Variants in DNAH11 observed in about 807,000 individuals in gnomAD.
DNAH11 encodes axonemal beta dynein heavy chain 11.
In DNAH11, 442 loss-of-function variants were observed where a neutral mutation model predicts 526.0. The ratio of observed to expected loss-of-function variants is 0.84; its 90% CI spans 0.78 to 0.91. The LOEUF (loss-of-function observed/expected upper bound fraction) is 0.91. Ranked by LOEUF, DNAH11 falls within the 40% of genes least tolerant of loss-of-function variation. DNAH11 has a pLI of 0.00. For synonymous variants in DNAH11, 2,461 were observed against 1,935.9 expected (o/e 1.27, Z -7.12); for missense variants, 6,989 against 5,448.7 (o/e 1.28, Z -8.90).
At chr7:21,620,406 AC>A (rs2128454338) in intron 25 of DNAH11, among the ~76,000 whole-genome samples, 1 of 152,054 alleles carries the variant, frequency 6.6e-6, no homozygotes, top group African/African-American at 2.4e-5. Context: ...GGCTCTGGTA[AC>A]CATCATTCTA....
rs774471024 is a variant in DNAH11 at position 21,601,479 on chromosome 7, T to C, written c.3509T>C (p.Val1170Ala). The part of the protein sequence containing the change: ...ELNEGDHDGL[V>A]DIMVHLLAVR... ...AATGAAGGTGATCATGATGGTTTAG[T>C]TGACATCATGGTGCATCTTCTGGCT... The change falls in exon 18 of 82, where the codon GTT (valine) becomes GCT (alanine). Residue 1170 changes from valine (V) to alanine (A), a missense_variant. Transcript: ENST00000409508. 2 of 1,613,876 alleles carry C rather than the reference T, an allele frequency of 1.2e-6. No homozygotes were observed. Among genetic ancestry groups the C allele is most frequent in the Non-Finnish European group, 1.7e-6 (2 of 1,179,818 alleles).
intron 30 of DNAH11, among the ~76,000 whole-genome samples, chr7:21,677,117 A>G (rs1782924835): frequency 6.6e-6 from 1 of 152,070 alleles, no homozygotes; most frequent in African/African-American, 2.4e-5. Context: ...TAAACATTTA[A>G]CTACTTTTTA....
At chr7:21,610,449 C>T (rs1371947016) in intron 20 of DNAH11, among the ~76,000 whole-genome samples, 1 of 152,158 alleles carries the variant, frequency 6.6e-6, no homozygotes, top group Non-Finnish European at 1.5e-5. Flanking sequence ...AAAAAGCACT[C>T]TCATTCAGTC....
rs1191383313 is a variant in DNAH11, at chr7:21,901,473, G to GTAGGAGAATCACTTGAACC, written c.*226_*244dup. ...GACTGTAATCCCAGTTACTCAGGAG[G>GTAGGAGAATCACTTGAACC]TAGGAGAATCACTTGAACCTAGGAG... On this transcript the variant is annotated 3_prime_UTR_variant, in exon 82 of 82. Coordinates refer to ENST00000409508, the MANE Select transcript of DNAH11 (RefSeq NM_001277115.2). The GTAGGAGAATCACTTGAACC allele has an allele frequency of 5.9e-6, 3 of 509,670 alleles. No homozygotes were observed. The highest frequency in any genetic ancestry group is 8.7e-6 in the Non-Finnish European group (3 of 343,424). 31.6% of individuals were successfully genotyped at this position (509,670 alleles called of 1,614,324 possible).
rs1478038194 is a variant in DNAH11 at position 21,864,641 on chromosome 7, C to T, written c.11480C>T (p.Ser3827Leu). The change falls in exon 70 of 82, where the codon TCA becomes TTA. Residue 3827 changes from serine (S) to leucine (L), a missense_variant. Coordinates refer to ENST00000409508, the MANE Select transcript of DNAH11 (RefSeq NM_001277115.2). ...CCCGTTGACTTCCTAACTTCTCAGT[C>T]ATGGAGTGCTATCAAGGTATGTTAG... ...LSPVDFLTSQ[S>L]WSAIKAIAVM... The T allele has an allele frequency of 1.2e-6, 2 of 1,603,622 alleles. No individual in the cohort carries two copies.
At position 21,591,672 on chromosome 7, in the gene DNAH11, C is replaced by A. The variant is rs1474736905; in HGVS notation, c.2667+95C>A. 11 of 1,279,362 alleles carry A rather than the reference C, an allele frequency of 8.6e-6. 1 individual carries two copies. In the Admixed American group the frequency reaches 2.8e-4, roughly 32 times the overall value. The allele number at this position is 1,279,362 out of a possible 1,614,324, so 79.3% of individuals were successfully genotyped here. The stretch of plus-strand genomic sequence containing the variant: ...ACCTAATAATGTGGGACTCTTTTAT[C>A]AAGCCTGAAAGAGCTTTATGAATGG... On this transcript the variant is annotated intron_variant, in intron 14 of 81. Coordinates refer to ENST00000409508, the MANE Select transcript of DNAH11 (RefSeq NM_001277115.2).
intron 76 of DNAH11, among the ~76,000 whole-genome samples, chr7:21,885,794 C>T (rs544920249): frequency 3.3e-5 from 5 of 152,194 alleles, no homozygotes; most frequent in Non-Finnish European, 7.3e-5. Context: ...ATTCTTCCTT[C>T]TCTCGTGAGG....
At chr7:21,737,318 AC>A (rs1379591953) in intron 46 of DNAH11, among the ~76,000 whole-genome samples, 1 of 152,346 alleles carries the variant, frequency 6.6e-6, no homozygotes, top group African/African-American at 2.4e-5. Context: ...TAGGGTGACC[AC>A]CTGTCCAGTT....
rs769087304 is a variant in DNAH11 at position 21,543,436 on chromosome 7, G to A, written c.191G>A (p.Gly64Asp). ...AQDARVRFLG[G>D]RLAMMLGFTE... ...GACGCGCGGGTGCGCTTCCTCGGCG[G>A]CCGCCTGGCGATGATGCTGGGGTTC... The change falls in exon 1 of 82, where the codon GGC becomes GAC. Residue 64 changes from glycine (G) to aspartate (D), a missense_variant. Coordinates refer to ENST00000409508, the MANE Select transcript of DNAH11 (RefSeq NM_001277115.2). The A allele has an allele frequency of 1.3e-6, 2 of 1,559,420 alleles. No individual in the cohort carries two copies. Among genetic ancestry groups the A allele is most frequent in the Non-Finnish European group, 1.7e-6 (2 of 1,150,936 alleles).
Position 21,868,860 on chromosome 7 carries a change from A to C in DNAH11, c.11840-4A>C, listed in dbSNP as rs1201228845. ...TCCTCTCACCGTGGTGTATTCTCCC[A>C]CAGGCAAAAGACTTGGCTTTACAAT... On this transcript the variant is annotated splice_region_variant and splice_polypyrimidine_tract_variant and intron_variant, in intron 72 of 81. Coordinates refer to ENST00000409508, the MANE Select transcript of DNAH11 (RefSeq NM_001277115.2). 6.2e-7 allele frequency: 1 copy of C among 1,613,926 alleles called. No homozygotes were observed. Among genetic ancestry groups the C allele is most frequent in the South Asian group, 1.1e-5 (1 of 91,068 alleles).
intron 54 of DNAH11, among the ~76,000 whole-genome samples, chr7:21,761,978 C>A (rs1786940141): frequency 6.6e-6 from 1 of 152,138 alleles, no homozygotes. Flanking sequence ...AACTTATAAT[C>A]ATGGCAGAAG....
chr7:21,718,804 G>C (rs1180847651), intron 43 of DNAH11, among the ~76,000 whole-genome samples: 1 of 152,124 alleles, frequency 6.6e-6, no homozygotes, highest in East Asian at 1.9e-4. Context: ...TACCAAATTT[G>C]TTTGACGCAA....
At chr7:21,740,812 G>GA (rs1785848743) in intron 48 of DNAH11, among the ~76,000 whole-genome samples, 2 of 152,180 alleles carry the variant, frequency 1.3e-5, no homozygotes, top group Admixed American at 1.3e-4. Context: ...TGTTTTCCAT[G>GA]ACAACTATAC....
At chr7:21,893,980 T>C (rs1344752472) in intron 77 of DNAH11, among the ~76,000 whole-genome samples, 1 of 152,178 alleles carries the variant, frequency 6.6e-6, no homozygotes, top group African/African-American at 2.4e-5. Flanking sequence ...CCTCTAACTC[T>C]CGGATTCAAG....
chr7:21,769,043 TAGAA>T (rs1787305473), intron 55 of DNAH11, among the ~76,000 whole-genome samples: 1 of 151,384 alleles, frequency 6.6e-6, no homozygotes, highest in Admixed American at 6.6e-5. Context: ...GAATAAAAAG[TAGAA>T]AGATAACCTT....
At chr7:21,786,074 C>T (rs1455050734) in intron 58 of DNAH11, among the ~76,000 whole-genome samples, 2 of 152,120 alleles carry the variant, frequency 1.3e-5, no homozygotes, top group African/African-American at 4.8e-5. Flanking sequence ...AGTGGCATCA[C>T]CTGAGGAGAC....
At chr7:21,797,278 G>C (rs1031189171) in intron 61 of DNAH11, among the ~76,000 whole-genome samples, 1 of 151,604 alleles carries the variant, frequency 6.6e-6, no homozygotes, top group Non-Finnish European at 1.5e-5. Flanking sequence ...GGAGTGCAGT[G>C]GTGCGTTCTC....
intron 73 of DNAH11, among the ~76,000 whole-genome samples, chr7:21,870,255 C>A (rs1227994633): frequency 6.6e-6 from 1 of 152,158 alleles, no homozygotes; most frequent in Non-Finnish European, 1.5e-5. Flanking sequence ...CAGCGTTGGC[C>A]TCCCTTAGTG....
At position 21,848,334 on chromosome 7, in the gene DNAH11, ATCTC is replaced by A. The variant is rs145963018; in HGVS notation, c.10897-4115_10897-4112del. Among the ~76,000 whole-genome samples the A allele has an allele frequency of 5.6e-3, 834 of 148,846 alleles. 7 individuals carry two copies. The highest frequency in any genetic ancestry group is 0.018 in the African/African-American group (749 of 40,598). ...GTGTTAGCATGGTATATCTTTCTCC[ATCTC>A]TCTCTCTCTCTCTCTCTACTTTTAA... On this transcript the variant is annotated intron_variant, in intron 66 of 81. Transcript: ENST00000409508.
Sources: allele counts gnomAD v4.1 joint callset (sites outside exome capture counted in the v4.1 genomes callset), GRCh38; gene constraint gnomAD v4.1.1; transcripts MANE v1.5; gene names NCBI Gene and HGNC (gene_info 2026-07-23, HGNC 2026-07-21).